Variants in MAN1A1 observed in about 807,000 individuals in gnomAD.
MAN1A1 encodes the protein mannosidase alpha class 1A member 1.
A neutral mutation model predicts 70.8 loss-of-function variants in MAN1A1; 29 were observed. The ratio of observed to expected loss-of-function variants is 0.41; its 90% CI spans 0.31 to 0.56. MAN1A1 has a LOEUF of 0.56. MAN1A1 is among the 20% of genes least tolerant of loss of function. The pLI is 0.29. For missense variants in MAN1A1, 747 were observed against 841.3 expected, an observed-to-expected ratio of 0.89 and a Z score of 1.39; for synonymous variants, 349 against 330.1, an observed-to-expected ratio of 1.06 and a Z score of -0.62.
chr6:119,333,958 G>A (rs980174530), intron 2 of MAN1A1, among the ~76,000 whole-genome samples: 2 of 152,094 alleles, frequency 1.3e-5, no homozygotes, highest in South Asian at 2.1e-4. Context: ...ATTCTAATAG[G>A]ACCGTAGTTA....
rs117587216 is a variant in MAN1A1 at position 119,289,349 on chromosome 6, G to A, written c.897+1334C>T. 9.2e-3 allele frequency among the ~76,000 whole-genome samples: 1,395 copies of A among 151,850 alleles called. 40 individuals carry two copies. Among genetic ancestry groups the A allele is most frequent in the East Asian group, 0.031 (160 of 5,172 alleles). On this transcript the variant is annotated intron_variant, in intron 5 of 12. Coordinates refer to ENST00000368468, the MANE Select transcript of MAN1A1 (RefSeq NM_005907.4). ...ATGTCCAAAGCAATGAGAACATCCT[G>A]GCATTGGATACTCAAAGACAAGTAT...
intron 2 of MAN1A1, among the ~76,000 whole-genome samples, chr6:119,318,522 T>C (rs195051): frequency 0.57 from 86,883 of 152,032 alleles, 25,203 homozygotes; most frequent in African/African-American, 0.65. Context: ...TGTTGATATA[T>C]ATCTTTGTAT....
intron 9 of MAN1A1, among the ~76,000 whole-genome samples, chr6:119,190,794 G>T (rs1208506161): frequency 6.6e-6 from 1 of 152,102 alleles, no homozygotes; most frequent in Non-Finnish European, 1.5e-5. Flanking sequence ...AACTAGACAG[G>T]TAAGTAAAAT....
chr6:119,248,679 T>C (rs890455414), intron 5 of MAN1A1, among the ~76,000 whole-genome samples: 1 of 152,176 alleles, frequency 6.6e-6, no homozygotes, highest in African/African-American at 2.4e-5. Context: ...TTTAAAAGCA[T>C]CACAGGCGAC....
chr6:119,237,449 C>T (rs560106321), intron 6 of MAN1A1, among the ~76,000 whole-genome samples: 3 of 152,222 alleles, frequency 2.0e-5, no homozygotes, highest in East Asian at 3.9e-4. Flanking sequence ...TGCGAGTTTG[C>T]GTCCGTGGTA....
At chr6:119,241,944 ATGTATGTGTGTGTGTGTG>A (rs1562207187) in intron 6 of MAN1A1, among the ~76,000 whole-genome samples, 20 of 146,130 alleles carry the variant, frequency 1.4e-4, no homozygotes, top group Non-Finnish European at 2.2e-4. Flanking sequence ...GTGTGTGTGT[ATGTATGTGTGTGTGTGTG>A]TGTGTGTGTG....
chr6:119,332,674 G>A (rs1773349752), intron 2 of MAN1A1, among the ~76,000 whole-genome samples: 1 of 151,990 alleles, frequency 6.6e-6, no homozygotes, highest in South Asian at 2.1e-4. Flanking sequence ...AAAATTAGCT[G>A]GGCGTGGTGG....
At position 119,349,737 on chromosome 6, in the gene MAN1A1, A is replaced by T; in HGVS notation, c.-418T>A. ...GGCAGCGAGTAGAGCAGCACGGTACACTCCGCCGCGGCCCCGCGAGCACTA... is the reference window on the plus strand; with the variant it reads ...GGCAGCGAGTAGAGCAGCACGGTACTCTCCGCCGCGGCCCCGCGAGCACTA... On this transcript the variant is annotated 5_prime_UTR_variant, in exon 1 of 13. Coordinates refer to ENST00000368468, the MANE Select transcript of MAN1A1 (RefSeq NM_005907.4). 1 of 985,384 alleles carries T rather than the reference A, an allele frequency of 1.0e-6. No homozygotes were observed. The highest frequency in any genetic ancestry group is 1.7e-5 in the African/African-American group (1 of 57,274). The allele number at this position is 985,384 out of a possible 1,614,324, so 61.0% of individuals were successfully genotyped here. A position where few individuals can be genotyped will look rare whatever the true frequency, so the allele number is the denominator to read the frequency against.
intron 11 of MAN1A1, among the ~76,000 whole-genome samples, chr6:119,184,209 C>A (rs979366984): frequency 6.6e-6 from 1 of 152,098 alleles, no homozygotes; most frequent in Non-Finnish European, 1.5e-5. Flanking sequence ...CATCATTGTA[C>A]TATAATCTGT....
chr6:119,265,719 A>C (rs1175062226), intron 5 of MAN1A1, among the ~76,000 whole-genome samples: 1 of 152,168 alleles, frequency 6.6e-6, no homozygotes, highest in Non-Finnish European at 1.5e-5. Flanking sequence ...TAACATCAAG[A>C]ACAAGGCAGG....
At chr6:119,205,578 A>G (rs1228720501) in intron 6 of MAN1A1, among the ~76,000 whole-genome samples, 4 of 152,184 alleles carry the variant, frequency 2.6e-5, no homozygotes, top group Non-Finnish European at 5.9e-5. Context: ...TTTCTTGGAG[A>G]AATGCTTTTT....
At chr6:119,269,379 T>G (rs1179155504) in intron 5 of MAN1A1, 1 of 207,656 alleles carries the variant, frequency 4.8e-6, no homozygotes, top group Non-Finnish European at 9.9e-6. Flanking sequence ...GCAGGAAGCA[T>G]CATCCACTTT....
At position 119,193,785 on chromosome 6, in the gene MAN1A1, C is replaced by T. The variant is rs1554203083; in HGVS notation, c.1318G>A (p.Ala440Thr). The change falls in exon 9 of 13, where the codon GCT becomes ACT. Residue 440 changes from alanine to threonine, a missense_variant. Physicochemically the swap from Ala to Thr is moderately conservative, Grantham distance 58. Around this residue, in one of 2 missense-constraint regions of MAN1A1, gnomAD observed 419 missense variants for 548.2 expected, o/e 0.76. Transcript: ENST00000368468. The stretch of plus-strand genomic sequence containing the variant: ...TTTAAATATTGGGTTACCTGAACAG[C>T]ATCAAAATACATCTTCTTAGCTTCC... ...DLEAKKMYFD[A>T]VQAIETHLIR... is the part of the protein sequence containing the mutation. 1 of 1,611,282 alleles carries T rather than the reference C, an allele frequency of 6.2e-7. No individual in the cohort carries two copies. The highest frequency in any genetic ancestry group is 8.5e-7 in the Non-Finnish European group (1 of 1,177,882).
At chr6:119,292,700 C>T (rs1244776225) in intron 4 of MAN1A1, among the ~76,000 whole-genome samples, 1 of 151,942 alleles carries the variant, frequency 6.6e-6, no homozygotes, top group Non-Finnish European at 1.5e-5. Flanking sequence ...ATTACTAAGT[C>T]AAAGTTAGGC....
At chr6:119,209,013 T>C (rs1187884681) in intron 6 of MAN1A1, among the ~76,000 whole-genome samples, 3 of 147,654 alleles carry the variant, frequency 2.0e-5, no homozygotes, top group Non-Finnish European at 4.4e-5. Flanking sequence ...GAGGATCACT[T>C]GAGCCTGGGA....
intron 6 of MAN1A1, among the ~76,000 whole-genome samples, chr6:119,232,046 T>C (rs1774691984): frequency 1.3e-5 from 2 of 152,092 alleles, no homozygotes. Context: ...GGTAGGTACG[T>C]AGAATTCAAC....
intron 2 of MAN1A1, among the ~76,000 whole-genome samples, chr6:119,321,567 G>T (rs906133223): frequency 6.6e-6 from 1 of 151,252 alleles, no homozygotes; most frequent in Non-Finnish European, 1.5e-5. Context: ...GAATTTTACT[G>T]ACAAAGAACC....
intron 7 of MAN1A1, among the ~76,000 whole-genome samples, chr6:119,203,623 T>C (rs932785957): frequency 2.6e-5 from 4 of 151,966 alleles, no homozygotes; most frequent in African/African-American, 9.7e-5. Flanking sequence ...AGGACAGCAG[T>C]AGAGGCAGTG....
intron 5 of MAN1A1, among the ~76,000 whole-genome samples, chr6:119,278,565 C>T (rs941500362): frequency 7.2e-5 from 11 of 151,920 alleles, no homozygotes; most frequent in African/African-American, 2.4e-4. Flanking sequence ...TTTTAAACAG[C>T]AATTTTTACA....
Sources: allele counts gnomAD v4.1 joint callset (sites outside exome capture counted in the v4.1 genomes callset), GRCh38; gene constraint gnomAD v4.1.1; regional missense constraint gnomAD v4.1.1; transcripts MANE v1.5; gene names NCBI Gene and HGNC (gene_info 2026-07-23, HGNC 2026-07-21).